Variants in ERICH6B observed in about 807,000 individuals in gnomAD.
ERICH6B encodes glutamate rich 6B.
Under a neutral mutation model 80.0 loss-of-function variants are expected in ERICH6B, and 69 were observed. That is an observed-to-expected ratio of 0.86 (90% CI 0.71 to 1.05). ERICH6B has a LOEUF of 1.05. ERICH6B is among the 50% of genes least tolerant of loss of function. The pLI is 0.00. For missense variants in ERICH6B, 754 were observed against 796.1 expected (o/e 0.95, Z 0.64); for synonymous variants, 283 against 291.9 (o/e 0.97, Z 0.31).
chr13:45,611,417 A>T (rs1373098930), intron 1 of ERICH6B, among the ~76,000 whole-genome samples: 1 of 152,232 alleles, frequency 6.6e-6, no homozygotes, highest in Non-Finnish European at 1.5e-5. Context: ...TCTATATAAG[A>T]TTAAAGAAGC....
intron 11 of ERICH6B, among the ~76,000 whole-genome samples, chr13:45,556,583 A>T (rs902802690): frequency 2.6e-5 from 4 of 152,044 alleles, no homozygotes; most frequent in Admixed American, 2.6e-4. Flanking sequence ...CCCAAAGTCT[A>T]TTGTGTCATT....
intron 8 of ERICH6B, among the ~76,000 whole-genome samples, chr13:45,570,658 T>C (rs1217274668): frequency 6.6e-6 from 1 of 152,224 alleles, no homozygotes; most frequent in Non-Finnish European, 1.5e-5. Flanking sequence ...TTCACCCCAT[T>C]GCAGCCGCAG....
Position 45,541,447 on chromosome 13 carries a change from C to T in ERICH6B, c.*15G>A, listed in dbSNP as rs972962505. 32 of 1,549,460 alleles carry T rather than the reference C, an allele frequency of 2.1e-5. No homozygotes were observed. The African/African-American group carries it at 4.1e-4, about 20-fold the overall frequency. ...ACTTCCTAAGGCATTTGGTGGATGC[C>T]AGATAAGCCCCGCCTTAAAACCAGA... is the stretch of plus-strand genomic sequence containing the variant. On this transcript the variant is annotated 3_prime_UTR_variant, in exon 15 of 15. Coordinates refer to ENST00000298738, the MANE Select transcript of ERICH6B (RefSeq NM_182542.3).
intron 4 of ERICH6B, among the ~76,000 whole-genome samples, chr13:45,589,558 C>G (rs950918080): frequency 6.6e-6 from 1 of 152,198 alleles, no homozygotes; most frequent in Non-Finnish European, 1.5e-5. Flanking sequence ...AACTCTTCCT[C>G]TCCCCATTTT....
Position 45,596,450 on chromosome 13 carries a change from C to T in ERICH6B, c.556G>A (p.Glu186Lys). The T allele has an allele frequency of 6.4e-7, 1 of 1,551,734 alleles. No individual in the cohort carries two copies. Among genetic ancestry groups the T allele is most frequent in the Non-Finnish European group, 8.7e-7 (1 of 1,146,662 alleles). Residue 186 changes from glutamate (E) to lysine (K), a missense_variant, in exon 3 of 15, where the codon GAG becomes AAG. Transcript: ENST00000298738. ...AGAGCTTCTTCCTCCTCCAGATTCT[C>T]TTCCTTCTCCAGAGCCTTTTCCTCT... is the stretch of plus-strand genomic sequence containing the variant. ...LEEEKALEKE[E>K]NLEEEEALEK...
intron 10 of ERICH6B, among the ~76,000 whole-genome samples, chr13:45,562,586 C>T (rs1205856595): frequency 6.6e-6 from 1 of 152,078 alleles, no homozygotes; most frequent in Non-Finnish European, 1.5e-5. Flanking sequence ...AGCCCCAGCT[C>T]ACTACTTAAG....
chr13:45,612,486 C>G (rs1419490457), intron 1 of ERICH6B, among the ~76,000 whole-genome samples: 2 of 152,206 alleles, frequency 1.3e-5, no homozygotes, highest in African/African-American at 4.8e-5. Context: ...TGATGGGGAG[C>G]TAGCAGATGC....
intron 4 of ERICH6B, among the ~76,000 whole-genome samples, chr13:45,588,735 G>C (rs1008136487): frequency 6.6e-6 from 1 of 152,206 alleles, no homozygotes; most frequent in Admixed American, 6.5e-5. Context: ...TGTCTGTCGT[G>C]CCTGTTCCAG....
At chr13:45,563,064 C>T (rs1455854619) in intron 10 of ERICH6B, among the ~76,000 whole-genome samples, 2 of 152,136 alleles carry the variant, frequency 1.3e-5, no homozygotes, top group Non-Finnish European at 2.9e-5. Flanking sequence ...TAGCTTAGTC[C>T]CTTCACTGAA....
At chr13:45,566,316 G>A (rs890253212) in intron 9 of ERICH6B, among the ~76,000 whole-genome samples, 4 of 152,362 alleles carry the variant, frequency 2.6e-5, no homozygotes, top group African/African-American at 9.6e-5. Context: ...CAAGCCAGCT[G>A]CAGAAATTTG....
At chr13:45,541,773 C>A (rs2985996) in intron 14 of ERICH6B, 93 bp from the exon 15 acceptor site, 19 of 1,162,008 alleles carry the variant, frequency 1.6e-5, no homozygotes, top group Middle Eastern at 2.9e-4. Context: ...CAGGACCAAG[C>A]GTTCCCTGAG....
chr13:45,550,449 G>A, intron 11 of ERICH6B, 133 bp from the exon 12 acceptor site: 1 of 661,008 alleles, frequency 1.5e-6, no homozygotes, highest in South Asian at 1.9e-5. Context: ...TTGCTGGGGA[G>A]CTGCGGGGCT....
At chr13:45,595,042 A>G (rs1876306156) in intron 3 of ERICH6B, among the ~76,000 whole-genome samples, 1 of 152,202 alleles carries the variant, frequency 6.6e-6, no homozygotes, top group South Asian at 2.1e-4. Context: ...AGTGTTGGAA[A>G]AATTTAGCCC....
chr13:45,595,650 GTTTC>G (rs1432661349), intron 3 of ERICH6B, among the ~76,000 whole-genome samples: 1 of 148,224 alleles, frequency 6.7e-6, no homozygotes, highest in African/African-American at 2.5e-5. Context: ...CTTATATATA[GTTTC>G]TTTCTTTCTT....
Position 45,590,704 on chromosome 13 carries a change from G to C in ERICH6B, c.638-7C>G. On this transcript the variant is annotated splice_region_variant and splice_polypyrimidine_tract_variant and intron_variant, in intron 3 of 14. Transcript: ENST00000298738. ...GAATAACTTGCCTTGGGTTCTATTG[G>C]AAAAAAGAATAAAAAAGCAATATTG... The C allele has an allele frequency of 6.5e-7, 1 of 1,547,932 alleles. No individual in the cohort carries two copies. The highest frequency in any genetic ancestry group is 8.7e-7 in the Non-Finnish European group (1 of 1,145,888).
At chr13:45,566,845 C>T (rs1406889944) in intron 9 of ERICH6B, among the ~76,000 whole-genome samples, 3 of 152,216 alleles carry the variant, frequency 2.0e-5, no homozygotes, top group Admixed American at 2.0e-4. Flanking sequence ...CACCGTCCTC[C>T]AGACCCCAGA....
At chr13:45,595,456 C>T (rs1290795127) in intron 3 of ERICH6B, among the ~76,000 whole-genome samples, 1 of 151,602 alleles carries the variant, frequency 6.6e-6, no homozygotes, top group Non-Finnish European at 1.5e-5. Flanking sequence ...AGGTTACAAA[C>T]ACAATATAAA....
chr13:45,563,025 G>A (rs377336921), intron 10 of ERICH6B, among the ~76,000 whole-genome samples: 107 of 152,306 alleles, frequency 7.0e-4, no homozygotes, highest in African/African-American at 2.5e-3. Context: ...AAGATACTTC[G>A]TGTTGTAGTA....
At chr13:45,606,674 C>A (rs899948531) in intron 2 of ERICH6B, among the ~76,000 whole-genome samples, 2 of 149,664 alleles carry the variant, frequency 1.3e-5, no homozygotes, top group Admixed American at 1.3e-4. Flanking sequence ...CTGCTTCAGC[C>A]TCCCAAGTAG....
Sources: allele counts gnomAD v4.1 joint callset (sites outside exome capture counted in the v4.1 genomes callset), GRCh38; gene constraint gnomAD v4.1.1; transcripts MANE v1.5; gene names NCBI Gene and HGNC (gene_info 2026-07-23, HGNC 2026-07-21).